Variants in CDH4 observed in about 807,000 individuals in gnomAD.
The protein encoded by CDH4 is cadherin-4.
Under a neutral mutation model 86.0 loss-of-function variants are expected in CDH4, and 33 were observed. That is an observed-to-expected ratio of 0.38 (90% CI 0.29 to 0.51). CDH4 has a LOEUF of 0.51. Ranked by LOEUF, CDH4 falls within the 20% of genes least tolerant of loss-of-function variation. The pLI is 0.86. For synonymous variants in CDH4, 555 were observed against 549.4 expected (o/e 1.01, Z -0.14); for missense variants, 1,114 against 1,307.4 (o/e 0.85, Z 2.28).
At chr20:61,572,160 G>A (rs1193940031) in intron 2 of CDH4, among the ~76,000 whole-genome samples, 1 of 152,080 alleles carries the variant, frequency 6.6e-6, no homozygotes, top group African/African-American at 2.4e-5. Context: ...GGATCTGGGG[G>A]GCCTCTCTTG....
chr20:61,667,702 G>A (rs920482087), intron 2 of CDH4, among the ~76,000 whole-genome samples: 17 of 152,194 alleles, frequency 1.1e-4, no homozygotes, highest in African/African-American at 4.1e-4. Flanking sequence ...GGAGGCAATG[G>A]AAGGGGTCGG....
At chr20:61,421,184 G>A (rs2427087) in intron 2 of CDH4, among the ~76,000 whole-genome samples, 46,541 of 152,122 alleles carry the variant, frequency 0.31, 7,494 homozygotes, top group East Asian at 0.55. Context: ...TCCTGGGGCC[G>A]ATGTCTTCCC....
intron 2 of CDH4, among the ~76,000 whole-genome samples, chr20:61,399,559 G>A (rs2085038463): frequency 6.6e-6 from 1 of 152,182 alleles, no homozygotes; most frequent in Non-Finnish European, 1.5e-5. Context: ...GCCTGGCTCA[G>A]CCTTTGCACC....
chr20:61,864,579 C>T, intron 6 of CDH4, among the ~76,000 whole-genome samples: 1 of 152,170 alleles, frequency 6.6e-6, no homozygotes, highest in Non-Finnish European at 1.5e-5. Context: ...CTCAGGGACT[C>T]CAGACACAAG....
At chr20:61,550,725 T>C (rs953087988) in intron 2 of CDH4, among the ~76,000 whole-genome samples, 4 of 152,220 alleles carry the variant, frequency 2.6e-5, no homozygotes, top group African/African-American at 9.6e-5. Context: ...CTCCTTGCAG[T>C]GCAGAGAGCC....
rs114504352 is a variant in CDH4 at position 61,519,160 on chromosome 20, C to T, written c.170-224403C>T. Among the ~76,000 whole-genome samples the T allele has an allele frequency of 6.2e-3, 949 of 152,294 alleles. 18 individuals carry two copies. Among genetic ancestry groups the T allele is most frequent in the African/African-American group, 0.021 (863 of 41,538 alleles). ...CACAAATTTCTGGACCCTTGGCATC[C>T]CATTCACAGTCCGCAAGGAAGAAGG... On this transcript the variant is annotated intron_variant, in intron 2 of 15. Coordinates refer to ENST00000614565, the MANE Select transcript of CDH4 (RefSeq NM_001794.5).
rs924452171 is a variant in CDH4 at position 61,695,920 on chromosome 20, G to A, written c.170-47643G>A. Among the ~76,000 whole-genome samples the A allele has an allele frequency of 1.9e-4, 29 of 152,106 alleles. 1 individual carries two copies. Among genetic ancestry groups the A allele is most frequent in the Admixed American group, 1.4e-3 (22 of 15,266 alleles). On this transcript the variant is annotated intron_variant, in intron 2 of 15. Coordinates refer to ENST00000614565, the MANE Select transcript of CDH4 (RefSeq NM_001794.5). ...CTCCTCCTGTGGGGTCTCCAGGCCCGGCCTCACCCACCCGCTGCCAGGCCT... is the reference window on the plus strand; with the variant it reads ...CTCCTCCTGTGGGGTCTCCAGGCCCAGCCTCACCCACCCGCTGCCAGGCCT...
chr20:61,564,210 A>G (rs1020638463), intron 2 of CDH4, among the ~76,000 whole-genome samples: 25 of 152,214 alleles, frequency 1.6e-4, no homozygotes, highest in African/African-American at 4.1e-4. Context: ...CTTTATTCAC[A>G]ATGAGTTCAT....
At chr20:61,720,693 C>A (rs2088030518) in intron 2 of CDH4, among the ~76,000 whole-genome samples, 1 of 151,890 alleles carries the variant, frequency 6.6e-6, no homozygotes, top group Non-Finnish European at 1.5e-5. Flanking sequence ...TTCTCTCCAG[C>A]GTGATTTTCT....
chr20:61,725,629 C>T (rs970571192), intron 2 of CDH4, among the ~76,000 whole-genome samples: 1 of 152,118 alleles, frequency 6.6e-6, no homozygotes, highest in Non-Finnish European at 1.5e-5. Context: ...CCCCAAATTG[C>T]ACTTATGGGA....
intron 7 of CDH4, among the ~76,000 whole-genome samples, chr20:61,877,085 C>G (rs1338558864): frequency 6.6e-6 from 1 of 152,178 alleles, no homozygotes; most frequent in East Asian, 1.9e-4. Flanking sequence ...GGGACACCCC[C>G]TGGCCTCCCT....
intron 2 of CDH4, among the ~76,000 whole-genome samples, chr20:61,416,535 G>T (rs1892317): frequency 0.61 from 93,411 of 152,076 alleles, 29,554 homozygotes; most frequent in African/African-American, 0.76. Context: ...AATCAGTTTC[G>T]TGAACGAGTT....
intron 2 of CDH4, among the ~76,000 whole-genome samples, chr20:61,410,847 ATCCGTCCG>A (rs1020961990): frequency 6.6e-6 from 1 of 150,550 alleles, no homozygotes; most frequent in Non-Finnish European, 1.5e-5. Flanking sequence ...CCATCCATCC[ATCCGTCCG>A]TCCGTCCATC....
chr20:61,540,905 T>G (rs936292260), intron 2 of CDH4, among the ~76,000 whole-genome samples: 2 of 151,988 alleles, frequency 1.3e-5, no homozygotes, highest in East Asian at 3.9e-4. Context: ...AAAGGGCCAT[T>G]TGGTTACAAA....
chr20:61,358,792 C>T (rs1038939124), intron 2 of CDH4, among the ~76,000 whole-genome samples: 4 of 152,164 alleles, frequency 2.6e-5, no homozygotes, highest in South Asian at 2.1e-4. Flanking sequence ...AGGGAACAGT[C>T]GCTTTAATGC....
chr20:61,925,406 TTCC>T (rs542107444), intron 11 of CDH4, among the ~76,000 whole-genome samples: 203 of 152,256 alleles, frequency 1.3e-3, no homozygotes, highest in African/African-American at 4.5e-3. Flanking sequence ...GTGCCTCAGT[TTCC>T]TCCTCTGCCA....
At chr20:61,256,686 T>C (rs1184840480) in intron 2 of CDH4, among the ~76,000 whole-genome samples, 3 of 152,184 alleles carry the variant, frequency 2.0e-5, no homozygotes, top group African/African-American at 7.2e-5. Context: ...ATTTTCCAAG[T>C]GCCCGTTGAC....
At chr20:61,758,619 C>CA (rs2088594392) in intron 3 of CDH4, among the ~76,000 whole-genome samples, 1 of 152,178 alleles carries the variant, frequency 6.6e-6, no homozygotes, top group African/African-American at 2.4e-5. Context: ...TGAAGTTGTC[C>CA]TGAGGGCATG....
rs560147153 is a variant in CDH4, at chr20:61,497,583, A to G, written c.169+242646A>G. Among the ~76,000 whole-genome samples, 16 of 152,360 alleles carry G rather than the reference A, an allele frequency of 1.1e-4. No homozygotes were observed. In the East Asian group the frequency reaches 2.3e-3, roughly 22 times the overall value. ...CAGGTGCTGGAGAGGATGTGGAGAA[A>G]TAGGAACACTTTTACACTGTTGGTG... On this transcript the variant is annotated intron_variant, in intron 2 of 15. Transcript: ENST00000614565.
Sources: gnomAD v4.1 joint callset for allele counts (sites outside exome capture counted in the v4.1 genomes callset) on GRCh38, gnomAD v4.1.1 for gene constraint, MANE v1.5 for transcripts, NCBI Gene and HGNC (gene_info 2026-07-23, HGNC 2026-07-21) for gene names.